Variants in KCTD9 observed in about 807,000 individuals in gnomAD.
KCTD9 encodes potassium channel tetramerization domain containing 9, also known as BTB/POZ domain-containing protein KCTD9.
A neutral mutation model predicts 53.3 loss-of-function variants in KCTD9; 17 were observed. That is an observed-to-expected ratio of 0.32 (90% CI 0.22 to 0.48). The LOEUF (loss-of-function observed/expected upper bound fraction) is 0.48, where lower values mean the gene tolerates loss of function less well. KCTD9 is among the 20% of genes least tolerant of loss of function. The pLI, the probability that KCTD9 is intolerant of heterozygous loss-of-function variation, is 0.99. For synonymous variants in KCTD9, 128 were observed against 162.7 expected (o/e 0.79, Z 1.62); for missense variants, 179 against 465.5 (o/e 0.38, Z 5.66).
chr8:25,449,674 T>C (rs1318846805), intron 1 of KCTD9, among the ~76,000 whole-genome samples: 1 of 137,116 alleles, frequency 7.3e-6, no homozygotes, highest in Non-Finnish European at 1.5e-5. Flanking sequence ...TTTTAATCTA[T>C]TAAAATTAAA....
At chr8:25,446,347 T>C (rs1802213620) in intron 1 of KCTD9, 97 bp from the exon 2 acceptor site, 8 of 1,380,140 alleles carry the variant, frequency 5.8e-6, no homozygotes, top group Non-Finnish European at 7.9e-6. Flanking sequence ...AAAAAGATTA[T>C]CATATAAAAG....
chr8:25,442,993 A>T (rs1467673993), intron 3 of KCTD9, among the ~76,000 whole-genome samples: 3 of 152,188 alleles, frequency 2.0e-5, no homozygotes, highest in Non-Finnish European at 4.4e-5. Flanking sequence ...AGAAGAGGAT[A>T]AGTAAAAACC....
intron 11 of KCTD9, among the ~76,000 whole-genome samples, chr8:25,430,547 G>C (rs553642838): frequency 5.3e-5 from 8 of 152,120 alleles, no homozygotes; most frequent in African/African-American, 1.7e-4. Context: ...CCCCCAGATG[G>C]GACTGTCTAG....
intron 5 of KCTD9, 42 bp downstream of exon 5, chr8:25,439,564 A>G (rs750511128): frequency 2.0e-5 from 32 of 1,606,900 alleles, no homozygotes; most frequent in African/African-American, 4.0e-5. Context: ...CACAGATATA[A>G]AACAGGTAAG....
At chr8:25,451,152 A>C (rs1377868535) in intron 1 of KCTD9, among the ~76,000 whole-genome samples, 1 of 152,230 alleles carries the variant, frequency 6.6e-6, no homozygotes, top group Non-Finnish European at 1.5e-5. Context: ...CCATACAAAT[A>C]AAAAGGAGTT....
chr8:25,458,087 G>A, intron 1 of KCTD9, 112 bp downstream of exon 1: 2 of 1,072,806 alleles, frequency 1.9e-6, no homozygotes, highest in Non-Finnish European at 2.7e-6. Context: ...GCCCGCGCAC[G>A]CCCACCTCCC....
intron 1 of KCTD9, among the ~76,000 whole-genome samples, chr8:25,454,435 T>G (rs148468700): frequency 8.2e-6 from 1 of 122,430 alleles, no homozygotes; most frequent in African/African-American, 3.3e-5. Context: ...AAAAAAGCAC[T>G]CTGTGTTCAA....
chr8:25,449,353 T>TC (rs1174503521), intron 1 of KCTD9, among the ~76,000 whole-genome samples: 1 of 152,224 alleles, frequency 6.6e-6, no homozygotes, highest in African/African-American at 2.4e-5. Flanking sequence ...TTGCCTGATA[T>TC]CCCCTCCTTG....
In KCTD9 at chr8:25,436,443, A is replaced by G. The variant is rs751912033; in HGVS notation, c.542T>C (p.Ile181Thr). 12 of 1,600,620 alleles carry G rather than the reference A, an allele frequency of 7.5e-6. No homozygotes were observed. Among genetic ancestry groups the G allele is most frequent in the Non-Finnish European group, 1.0e-5 (12 of 1,177,306 alleles). ...EARFFGIDSLIEHLEVAIKNS... is the reference protein window; with the variant it reads ...EARFFGIDSLTEHLEVAIKNS... Reference sequence around the variant, plus strand: ...CTTTATTGCCACTTCTAGGTGTTCAATCAATGAGTCAATACCAAAAAATCT... The same window carrying G: ...CTTTATTGCCACTTCTAGGTGTTCAGTCAATGAGTCAATACCAAAAAATCT... The change falls in exon 7 of 12, where the codon ATT (isoleucine) becomes ACT (threonine). Residue 181 changes from isoleucine (I) to threonine (T), a missense_variant. Ile to Thr is a moderately conservative substitution (Grantham distance 89). Coordinates refer to ENST00000221200, the MANE Select transcript of KCTD9 (RefSeq NM_017634.4).
chr8:25,436,476 T>G lies in KCTD9; in HGVS notation c.509A>C (p.Glu170Ala). The G allele has an allele frequency of 6.4e-7, 1 of 1,571,600 alleles. No individual in the cohort carries two copies. The highest frequency in any genetic ancestry group is 1.4e-5 in the African/African-American group (1 of 72,440). ...NDGINLLGVLEEARFFGIDSL... is the reference protein window; with the variant it reads ...NDGINLLGVLAEARFFGIDSL... ...GTCAATACCAAAAAATCTTGCTTCT[T>G]CTAACACACCTATCAGAACAAAAAT... Residue 170 changes from glutamate (E) to alanine (A), a missense_variant, in exon 7 of 12, where the codon GAA (glutamate) becomes GCA (alanine). Transcript: ENST00000221200.
chr8:25,434,315 G>A (rs1318992762), intron 9 of KCTD9, among the ~76,000 whole-genome samples: 1 of 152,140 alleles, frequency 6.6e-6, no homozygotes, highest in Non-Finnish European at 1.5e-5. Context: ...GGCTAAGATG[G>A]TCTTGACCTC....
At chr8:25,439,879 T>C in intron 4 of KCTD9, 1 of 974,956 alleles carries the variant, frequency 1.0e-6, no homozygotes, top group Non-Finnish European at 1.4e-6. Context: ...TGTTTTAGTT[T>C]CCTTTGCTTT....
intron 3 of KCTD9, among the ~76,000 whole-genome samples, chr8:25,443,193 G>A (rs1470041105): frequency 3.3e-5 from 5 of 152,016 alleles, no homozygotes; most frequent in Middle Eastern, 6.8e-3. Context: ...ACCCAATAGC[G>A]AAGAGCCTCC....
chr8:25,439,893 T>C, intron 4 of KCTD9: 1 of 811,516 alleles, frequency 1.2e-6, no homozygotes, highest in Non-Finnish European at 1.8e-6. Flanking sequence ...TTGCTTTAAA[T>C]ACTTGTCTGT....
chr8:25,457,929 GCAC>G (rs1334418772), intron 1 of KCTD9, among the ~76,000 whole-genome samples: 2 of 122,950 alleles, frequency 1.6e-5, no homozygotes, highest in Non-Finnish European at 3.5e-5. Context: ...CGCGCCCCCC[GCAC>G]CAAGCATCCG....
chr8:25,432,771 C>A (rs937903486), intron 10 of KCTD9, 134 bp from the exon 11 acceptor site: 1 of 716,970 alleles, frequency 1.4e-6, no homozygotes, highest in Non-Finnish European at 2.3e-6. Context: ...TCTCAACGAA[C>A]TTATATATAT....
At chr8:25,443,076 T>C (rs1035211632) in intron 3 of KCTD9, among the ~76,000 whole-genome samples, 2 of 152,196 alleles carry the variant, frequency 1.3e-5, no homozygotes, top group African/African-American at 4.8e-5. Context: ...TATTTTGTTA[T>C]ATATGACATA....
At chr8:25,450,369 T>G (rs1187435425) in intron 1 of KCTD9, 5 of 985,216 alleles carry the variant, frequency 5.1e-6, no homozygotes, top group Non-Finnish European at 6.0e-6. Context: ...TAGGTTCAAA[T>G]GGTACATTAC....
chr8:25,446,696 A>G (rs1802219994), intron 1 of KCTD9, among the ~76,000 whole-genome samples: 1 of 152,226 alleles, frequency 6.6e-6, no homozygotes, highest in African/African-American at 2.4e-5. Flanking sequence ...GAGACCTAGT[A>G]AGTCCCTATT....
Sources: gnomAD v4.1 joint callset for allele counts (sites outside exome capture counted in the v4.1 genomes callset) on GRCh38, gnomAD v4.1.1 for gene constraint, MANE v1.5 for transcripts, NCBI Gene and HGNC (gene_info 2026-07-23, HGNC 2026-07-21) for gene names.